Variants in RCL1 observed in about 807,000 individuals in gnomAD.
RCL1 encodes the protein RNA 3'-terminal phosphate cyclase-like protein.
Under a neutral mutation model 42.4 loss-of-function variants are expected in RCL1, and 24 were observed. The ratio of observed to expected loss-of-function variants is 0.57; its 90% CI spans 0.41 to 0.80. The LOEUF is 0.80. Ranked by LOEUF, RCL1 falls within the 30% of genes least tolerant of loss-of-function variation. RCL1 has a pLI of 0.00. For missense variants in RCL1, 578 were observed against 467.9 expected, an observed-to-expected ratio of 1.24 and a Z score of -2.17; for synonymous variants, 228 against 177.3, an observed-to-expected ratio of 1.29 and a Z score of -2.27.
At position 4,833,343 on chromosome 9, in the gene RCL1, T is replaced by C. The variant is rs975045572; in HGVS notation, c.459+115T>C. ...GTGTCACATTTGAAGTCACCAGTTA[T>C]CAGAAGACTCACAGGGCTCATGAAA... is the stretch of plus-strand genomic sequence containing the variant. On this transcript the variant is annotated intron_variant, in intron 4 of 8. Coordinates refer to ENST00000381750, the MANE Select transcript of RCL1 (RefSeq NM_005772.5). 8 of 765,152 alleles carry C rather than the reference T, an allele frequency of 1.0e-5. No homozygotes were observed. The Admixed American group carries it at 1.5e-4, about 14-fold the overall frequency. The allele number at this position is 765,152 out of a possible 1,614,324, so 47.4% of individuals were successfully genotyped here.
intron 1 of RCL1, among the ~76,000 whole-genome samples, chr9:4,820,068 C>T: frequency 6.6e-6 from 1 of 152,222 alleles, no homozygotes; most frequent in East Asian, 1.9e-4. Flanking sequence ...ACTATCCTCA[C>T]CATTATAGCA....
chr9:4,812,355 T>C (rs536104887), intron 1 of RCL1, among the ~76,000 whole-genome samples: 1 of 144,562 alleles, frequency 6.9e-6, no homozygotes, highest in Non-Finnish European at 1.5e-5. Context: ...TTTTTTTTTT[T>C]AATATGATGA....
intron 8 of RCL1, among the ~76,000 whole-genome samples, 191 bp downstream of exon 8, chr9:4,849,741 C>A (rs1186362970): frequency 6.6e-6 from 1 of 152,222 alleles, no homozygotes; most frequent in Non-Finnish European, 1.5e-5. Context: ...GCATTTCTTT[C>A]CTTCCTTAAT....
At chr9:4,836,214 G>A (rs374740226) in intron 5 of RCL1, among the ~76,000 whole-genome samples, 3 of 152,234 alleles carry the variant, frequency 2.0e-5, no homozygotes, top group East Asian at 1.9e-4. Flanking sequence ...GTGGCAGTTG[G>A]CAGCCTAGAG....
chr9:4,812,570 G>C (rs1028964674), intron 1 of RCL1, among the ~76,000 whole-genome samples: 4 of 152,118 alleles, frequency 2.6e-5, no homozygotes, highest in Non-Finnish European at 5.9e-5. Context: ...AAGTCACGTA[G>C]TGTAATGCCT....
intron 1 of RCL1, among the ~76,000 whole-genome samples, chr9:4,813,246 G>C (rs1816243572): frequency 6.6e-6 from 1 of 152,108 alleles, no homozygotes; most frequent in Non-Finnish European, 1.5e-5. Flanking sequence ...AGAGTGAACA[G>C]GCAACCTACA....
At chr9:4,804,946 AC>A (rs1843075998) in intron 1 of RCL1, 1 of 152,520 alleles carries the variant, frequency 6.6e-6, no homozygotes, top group Admixed American at 6.5e-5. Flanking sequence ...TGTGGAGAGC[AC>A]CTTCAACTGC....
chr9:4,856,609 C>G (rs749804939), intron 8 of RCL1, among the ~76,000 whole-genome samples: 4 of 152,068 alleles, frequency 2.6e-5, no homozygotes, highest in Non-Finnish European at 5.9e-5. Flanking sequence ...AATTAGACAC[C>G]ATGAGCAGAG....
rs1816929104 is a variant in RCL1 at position 4,831,180 on chromosome 9, G to C, written c.385-1974G>C. On this transcript the variant is annotated intron_variant, in intron 3 of 8. Coordinates refer to ENST00000381750, the MANE Select transcript of RCL1 (RefSeq NM_005772.5). ...TTGCCTGTCTTCCATGTCATATGGA[G>C]AGTGATAAAGGGACAGGACTACACC... Among the ~76,000 whole-genome samples the C allele has an allele frequency of 5.3e-5, 8 of 152,328 alleles. No homozygotes were observed. In the South Asian group the frequency reaches 1.7e-3, roughly 32 times the overall value.
chr9:4,807,710 G>T (rs1041500235), intron 1 of RCL1, among the ~76,000 whole-genome samples: 2 of 152,054 alleles, frequency 1.3e-5, no homozygotes, highest in African/African-American at 4.8e-5. Context: ...GTAGAGACAG[G>T]GTTTCTCCGT....
rs189590000 is a variant in RCL1, at chr9:4,859,939, C to G, written c.972-186C>G. ...GCTGTATTGCGTGTATCTCTGCAAA[C>G]TATCTAAATCTTCTTTGGAAACTGG... On this transcript the variant is annotated intron_variant, in intron 8 of 8. Coordinates refer to ENST00000381750, the MANE Select transcript of RCL1 (RefSeq NM_005772.5). 9.2e-4 allele frequency among the ~76,000 whole-genome samples: 140 copies of G among 152,290 alleles called. 2 individuals are homozygous for G. The Middle Eastern group carries it at 0.034, about 37-fold the overall frequency.
intron 1 of RCL1, among the ~76,000 whole-genome samples, chr9:4,797,058 G>C (rs1343008272): frequency 6.6e-6 from 1 of 152,122 alleles, no homozygotes; most frequent in East Asian, 1.9e-4. Flanking sequence ...AGAGCTTGGG[G>C]TCAGTATTGG....
chr9:4,805,241 A>T (rs373575277), intron 1 of RCL1, among the ~76,000 whole-genome samples: 1 of 152,078 alleles, frequency 6.6e-6, no homozygotes, highest in East Asian at 1.9e-4. Context: ...AAAACCAAAA[A>T]CTTTGGTTGG....
At chr9:4,845,415 T>C (rs1817479047) in intron 7 of RCL1, among the ~76,000 whole-genome samples, 1 of 152,242 alleles carries the variant, frequency 6.6e-6, no homozygotes, top group African/African-American at 2.4e-5. Flanking sequence ...CCACAGTCTT[T>C]CTCTGTTGAT....
chr9:4,815,577 A>C (rs1816343776), intron 1 of RCL1, among the ~76,000 whole-genome samples: 2 of 152,104 alleles, frequency 1.3e-5, no homozygotes, highest in East Asian at 3.9e-4. Context: ...TGAAAGGTAC[A>C]GTAGCCGCTT....
intron 1 of RCL1, among the ~76,000 whole-genome samples, chr9:4,794,423 G>C (rs1467242741): frequency 6.6e-6 from 1 of 152,198 alleles, no homozygotes. Context: ...AAAACACTGA[G>C]AAAGTTAGGG....
chr9:4,817,377 T>C (rs763559464), intron 1 of RCL1, among the ~76,000 whole-genome samples: 1 of 152,074 alleles, frequency 6.6e-6, no homozygotes, highest in Non-Finnish European at 1.5e-5. Context: ...TATTTTTTAT[T>C]TTATTGAGTC....
intron 1 of RCL1, among the ~76,000 whole-genome samples, chr9:4,810,738 A>C (rs1229408166): frequency 6.6e-6 from 1 of 152,200 alleles, no homozygotes; most frequent in Non-Finnish European, 1.5e-5. Flanking sequence ...AAGTGACTGT[A>C]AATATATCTG....
chr9:4,801,940 C>G (rs541094238), intron 1 of RCL1, among the ~76,000 whole-genome samples: 1 of 151,770 alleles, frequency 6.6e-6, no homozygotes, highest in Non-Finnish European at 1.5e-5. Context: ...GAGACGGAAT[C>G]TCGCTCTGTT....
Sources: gnomAD v4.1 joint callset for allele counts (sites outside exome capture counted in the v4.1 genomes callset) on GRCh38, gnomAD v4.1.1 for gene constraint, MANE v1.5 for transcripts, NCBI Gene and HGNC (gene_info 2026-07-23, HGNC 2026-07-21) for gene names.